Variants in C2orf92 observed in about 807,000 individuals in gnomAD.
C2orf92 encodes the protein uncharacterized protein C2orf92.
chr2:97,671,672 A>G (rs1419126323), intron 1 of C2orf92: 1 of 389,112 alleles, frequency 2.6e-6, no homozygotes, highest in Non-Finnish European at 4.5e-6. Flanking sequence ...AGCAAAACAG[A>G]TGATAAACAC....
intron 5 of C2orf92, chr2:97,690,960 G>A (rs1031032951): frequency 5.3e-5 from 8 of 151,248 alleles, no homozygotes; most frequent in Admixed American, 3.3e-4. Flanking sequence ...TGTATTTTTA[G>A]TAGAGACGGG....
In C2orf92 at chr2:97,679,854, G is replaced by A. The variant is rs1371000175; in HGVS notation, c.232+3926G>A. On this transcript the variant is annotated intron_variant, in intron 3 of 7. Transcript: ENST00000627399. ...CTCTATCTCAAAAAAAAAAAAAAAA[G>A]AAAAAAAAGAAAAAGAAATAAAGAG... Among the ~76,000 whole-genome samples the A allele has an allele frequency of 1.8e-3, 216 of 119,970 alleles. 1 individual carries two copies. Among genetic ancestry groups the A allele is most frequent in the Middle Eastern group, 4.1e-3 (1 of 242 alleles). 78.7% of individuals were successfully genotyped at this position (119,970 alleles called of 152,430 possible). A position where few individuals can be genotyped will look rare whatever the true frequency, so the allele number is the denominator to read the frequency against.
chr2:97,690,303 A>T lies in C2orf92; in HGVS notation c.379A>T (p.Ser127Cys). Residue 127 changes from serine to cysteine, a missense_variant, in exon 5 of 8, where the codon AGT becomes TGT. Ser to Cys is a moderately radical substitution (Grantham distance 112). Transcript: ENST00000627399. ...NSPKPEYFLG[S>C]VDKIPDKDHL... is the part of the protein sequence containing the mutation. ...TCCTAAACCAGAATATTTCCTTGGCAGTGTGGACAAAATTCCTGATAAAGG... is the reference window on the plus strand; with the variant it reads ...TCCTAAACCAGAATATTTCCTTGGCTGTGTGGACAAAATTCCTGATAAAGG... 2.5e-6 allele frequency: 1 copy of T among 398,990 alleles called. No individual in the cohort carries two copies. The allele number at this position is 398,990 out of a possible 1,614,324, so 24.7% of individuals were successfully genotyped here. A position where few individuals can be genotyped will look rare whatever the true frequency, so the allele number is the denominator to read the frequency against.
At position 97,690,236 on chromosome 2, in the gene C2orf92, A is replaced by G; in HGVS notation, c.332-20A>G. The G allele has an allele frequency of 2.5e-6, 1 of 398,854 alleles. No individual in the cohort carries two copies. The highest frequency in any genetic ancestry group is 4.4e-6 in the Non-Finnish European group (1 of 225,962). 24.7% of individuals were successfully genotyped at this position (398,854 alleles called of 1,614,324 possible). ...AATACCCTTTTTCTTATTGTTTTTTATTCATGTGTCTTATCAAAGGAACCA... is the reference window on the plus strand; with the variant it reads ...AATACCCTTTTTCTTATTGTTTTTTGTTCATGTGTCTTATCAAAGGAACCA... On this transcript the variant is annotated intron_variant, in intron 4 of 7. Coordinates refer to ENST00000627399, the MANE Select transcript of C2orf92 (RefSeq NM_001351368.2).
chr2:97,666,447 G>A (rs2104521432), upstream of C2orf92, among the ~76,000 whole-genome samples: 1 of 144,974 alleles, frequency 6.9e-6, no homozygotes, highest in African/African-American at 2.6e-5. Flanking sequence ...TGGGGTAGGA[G>A]AATCGCTTGA....
intron 4 of C2orf92, among the ~76,000 whole-genome samples, 176 bp from the exon 5 acceptor site, chr2:97,690,080 G>A (rs915252847): frequency 2.6e-5 from 4 of 151,748 alleles, no homozygotes; most frequent in Admixed American, 6.6e-5. Context: ...GCCGTGAGCC[G>A]AGATCTTGCC....
chr2:97,677,679 G>C (rs889312735), intron 3 of C2orf92: 1 of 152,142 alleles, frequency 6.6e-6, no homozygotes, highest in African/African-American at 2.4e-5. Flanking sequence ...AACAGGAAAG[G>C]ATGGCTCATT....
In C2orf92 at chr2:97,675,919, A is replaced by G; in HGVS notation, c.223A>G (p.Lys75Glu). The G allele has an allele frequency of 2.5e-6, 1 of 398,918 alleles. No individual in the cohort carries two copies. Among genetic ancestry groups the G allele is most frequent in the Non-Finnish European group, 4.4e-6 (1 of 226,076 alleles). The allele number at this position is 398,918 out of a possible 1,614,324, so 24.7% of individuals were successfully genotyped here. ...AAATGAGCGAGAGGAACATTTGGCT[A>G]AAATATTTGGTAAGTAGCCTCCTGC... ...GSNEREEHLA[K>E]IFDEILLQVF... Residue 75 changes from lysine (K) to glutamate (E), a missense_variant, in exon 3 of 8, where the codon AAA becomes GAA. Physicochemically the swap from Lys to Glu is moderately conservative, Grantham distance 56 (BLOSUM62 1). Coordinates refer to ENST00000627399, the MANE Select transcript of C2orf92 (RefSeq NM_001351368.2).
intron 1 of C2orf92, chr2:97,671,699 T>A (rs749821972): frequency 1.9e-5 from 7 of 378,086 alleles, no homozygotes; most frequent in Non-Finnish European, 3.3e-5. Context: ...AGGACCCTAC[T>A]GAGCATCAGT....
intron 3 of C2orf92, among the ~76,000 whole-genome samples, chr2:97,684,123 C>T (rs1675873807): frequency 6.6e-6 from 1 of 151,176 alleles, no homozygotes; most frequent in Admixed American, 6.6e-5. Context: ...GCAAGCTCTG[C>T]CTCCCAGGTT....
chr2:97,670,141 C>T, intron 1 of C2orf92: 1 of 236,872 alleles, frequency 4.2e-6, no homozygotes, highest in East Asian at 7.8e-5. Context: ...GTATAAAGAA[C>T]CACCATATGC....
upstream of C2orf92, among the ~76,000 whole-genome samples, chr2:97,667,496 G>A (rs538194830): frequency 2.0e-5 from 3 of 148,942 alleles, no homozygotes; most frequent in South Asian, 2.1e-4. Flanking sequence ...GCAGTGGTGC[G>A]GTCTCGGCTC....
At chr2:97,689,292 G>A (rs1025206869) in intron 4 of C2orf92, among the ~76,000 whole-genome samples, 3 of 152,162 alleles carry the variant, frequency 2.0e-5, no homozygotes, top group African/African-American at 7.2e-5. Flanking sequence ...CTGCAAGTGG[G>A]GTTCCCCACT....
chr2:97,667,432 T>A (rs949402336), upstream of C2orf92, among the ~76,000 whole-genome samples: 1 of 142,352 alleles, frequency 7.0e-6, no homozygotes, highest in African/African-American at 2.6e-5. Flanking sequence ...CCAGCTAAGT[T>A]TTTTTTTTTT....
intron 1 of C2orf92, chr2:97,671,609 G>A (rs551743186): frequency 2.0e-5 from 8 of 397,710 alleles, no homozygotes; most frequent in Non-Finnish European, 3.5e-5. Flanking sequence ...GGGAAGGCAG[G>A]TGCTCTTCCT....
intron 3 of C2orf92, among the ~76,000 whole-genome samples, chr2:97,679,858 A>G (rs1416881256): frequency 2.0e-5 from 3 of 151,790 alleles, no homozygotes; most frequent in East Asian, 1.9e-4. Context: ...AAAAAAGAAA[A>G]AAAAGAAAAA....
At chr2:97,687,604 G>C (rs2104575846) in intron 3 of C2orf92, among the ~76,000 whole-genome samples, 1 of 151,668 alleles carries the variant, frequency 6.6e-6, no homozygotes, top group South Asian at 2.1e-4. Context: ...CCTTAGGTGT[G>C]AGAAGGAGCA....
intron 3 of C2orf92, among the ~76,000 whole-genome samples, chr2:97,677,257 T>C (rs1675613314): frequency 6.6e-6 from 1 of 152,224 alleles, no homozygotes; most frequent in Admixed American, 6.5e-5. Flanking sequence ...TGCTGATTGC[T>C]ACTTTAGAGC....
intron 2 of C2orf92, among the ~76,000 whole-genome samples, chr2:97,675,282 C>T (rs894284567): frequency 6.6e-6 from 1 of 152,236 alleles, no homozygotes; most frequent in African/African-American, 2.4e-5. Context: ...AATTTAGTAA[C>T]TAATCACTCT....
Sources: gnomAD v4.1 joint callset for allele counts (sites outside exome capture counted in the v4.1 genomes callset) on GRCh38, gnomAD v4.1.1 for gene constraint, MANE v1.5 for transcripts, NCBI Gene and HGNC (gene_info 2026-07-23, HGNC 2026-07-21) for gene names.